Variants in GPHN observed in about 807,000 individuals in gnomAD.
The protein encoded by GPHN is gephyrin.
A neutral mutation model predicts 95.5 loss-of-function variants in GPHN; 17 were observed. The observed-to-expected ratio is 0.18, with a 90% CI of 0.12 to 0.27. GPHN has a LOEUF of 0.27. GPHN is among the 10% of genes least tolerant of loss of function. The pLI is 1.00. For missense variants in GPHN, 660 were observed against 978.1 expected, an observed-to-expected ratio of 0.67 and a Z score of 4.34; for synonymous variants, 320 against 322.5, an observed-to-expected ratio of 0.99 and a Z score of 0.08.
intron 1 of GPHN, among the ~76,000 whole-genome samples, chr14:66,673,050 CT>C (rs1178894168): frequency 6.6e-6 from 1 of 151,946 alleles, no homozygotes; most frequent in Non-Finnish European, 1.5e-5. Flanking sequence ...TTGAATTTCT[CT>C]TTTGTCATAG....
chr14:67,365,922 G>A, the GPHN span, among the ~76,000 whole-genome samples: 1 of 152,118 alleles, frequency 6.6e-6, no homozygotes, highest in African/African-American at 2.4e-5. Flanking sequence ...GCCTTAGGTA[G>A]TGACTGCTAC....
At chr14:67,636,084 A>G in the GPHN span, among the ~76,000 whole-genome samples, 16 of 152,198 alleles carry the variant, frequency 1.1e-4, no homozygotes, top group South Asian at 1.2e-3. Context: ...GAAAAACTGC[A>G]CACTAAGAGG....
At chr14:67,177,590 AG>A (rs1248309266) in intron 21 of GPHN, among the ~76,000 whole-genome samples, 1 of 152,184 alleles carries the variant, frequency 6.6e-6, no homozygotes, top group Admixed American at 6.5e-5. Context: ...GATGTCTATT[AG>A]GTCTGCTTGG....
chr14:66,927,944 A>G (rs1305543240), intron 8 of GPHN, among the ~76,000 whole-genome samples: 2 of 152,106 alleles, frequency 1.3e-5, no homozygotes, highest in African/African-American at 4.8e-5. Flanking sequence ...GTGTACTAGC[A>G]TTTTGTTGAG....
At chr14:66,832,572 G>A (rs1431257266) in intron 4 of GPHN, among the ~76,000 whole-genome samples, 3 of 151,966 alleles carry the variant, frequency 2.0e-5, no homozygotes, top group Non-Finnish European at 4.4e-5. Flanking sequence ...TTTTTGTATT[G>A]TCCACTGAAA....
the GPHN span, chr14:67,392,250 C>T: frequency 1.2e-5 from 12 of 1,011,490 alleles, no homozygotes; most frequent in East Asian, 1.9e-4. Context: ...CAGCCCTTCC[C>T]TTCTTCTGGG....
At chr14:66,528,079 C>A (rs1341033481) in intron 1 of GPHN, among the ~76,000 whole-genome samples, 1 of 152,090 alleles carries the variant, frequency 6.6e-6, no homozygotes, top group East Asian at 1.9e-4. Context: ...TAAAGTCTCC[C>A]ACTATTATTG....
chr14:66,544,333 CTT>C (rs1396182642), intron 1 of GPHN, among the ~76,000 whole-genome samples: 7 of 152,228 alleles, frequency 4.6e-5, no homozygotes, highest in Non-Finnish European at 7.3e-5. Context: ...TCCTAATCCT[CTT>C]TGCCTGTTCT....
At chr14:67,203,977 G>A in the GPHN span, among the ~76,000 whole-genome samples, 3 of 152,214 alleles carry the variant, frequency 2.0e-5, no homozygotes, top group Non-Finnish European at 4.4e-5. Context: ...CTCCCAAAGT[G>A]CTGGGATTAC....
At chr14:66,683,102 G>A (rs1481335447) in intron 2 of GPHN, among the ~76,000 whole-genome samples, 2 of 151,178 alleles carry the variant, frequency 1.3e-5, no homozygotes, top group Non-Finnish European at 2.9e-5. Flanking sequence ...TCTTAATATA[G>A]CATCATTCTC....
chr14:67,119,177 A>G (rs1337708457), intron 16 of GPHN, among the ~76,000 whole-genome samples: 1 of 152,198 alleles, frequency 6.6e-6, no homozygotes, highest in Non-Finnish European at 1.5e-5. Context: ...AAGTATATGG[A>G]TCTGAACAAG....
At chr14:66,811,968 A>G (rs1187050044) in intron 3 of GPHN, among the ~76,000 whole-genome samples, 2 of 152,240 alleles carry the variant, frequency 1.3e-5, no homozygotes, top group Non-Finnish European at 2.9e-5. Context: ...GGAAGAAGGC[A>G]CTGGTTGATT....
At chr14:66,672,184 A>G (rs562279379) in intron 1 of GPHN, among the ~76,000 whole-genome samples, 1 of 152,056 alleles carries the variant, frequency 6.6e-6, no homozygotes, top group Non-Finnish European at 1.5e-5. Context: ...ATATTTTGAG[A>G]TTTATTTTTG....
chr14:66,871,491 G>A (rs1289926377), intron 4 of GPHN, among the ~76,000 whole-genome samples: 1 of 152,148 alleles, frequency 6.6e-6, no homozygotes, highest in Non-Finnish European at 1.5e-5. Flanking sequence ...TTAGGGCTCT[G>A]ATTTTAACAT....
intron 19 of GPHN, among the ~76,000 whole-genome samples, chr14:67,159,873 T>C (rs1287644859): frequency 6.6e-6 from 1 of 152,108 alleles, no homozygotes; most frequent in Non-Finnish European, 1.5e-5. Context: ...CCCTGCCTTT[T>C]AGTTGGGAGG....
At chr14:66,810,539 A>G (rs1474116768) in intron 3 of GPHN, among the ~76,000 whole-genome samples, 3 of 152,076 alleles carry the variant, frequency 2.0e-5, no homozygotes, top group African/African-American at 7.2e-5. Flanking sequence ...AGACAAGGTA[A>G]TAAAACTATC....
the GPHN span, chr14:67,365,031 A>T: frequency 5.8e-6 from 9 of 1,558,954 alleles, no homozygotes; most frequent in Non-Finnish European, 6.9e-6. Context: ...AATATCTGTA[A>T]TATAAATTTC....
intron 9 of GPHN, among the ~76,000 whole-genome samples, chr14:67,001,708 T>G (rs2072242378): frequency 6.6e-6 from 1 of 151,754 alleles, no homozygotes; most frequent in South Asian, 2.1e-4. Context: ...AATCCTGGCT[T>G]TGGCCAAAAA....
chr14:67,662,955 T>C, the GPHN span: 1 of 1,189,304 alleles, frequency 8.4e-7, no homozygotes, highest in Admixed American at 4.2e-5. Context: ...CTGAAACCCC[T>C]CACCACTCCC....
Sources: gnomAD v4.1 joint callset for allele counts (sites outside exome capture counted in the v4.1 genomes callset) on GRCh38, gnomAD v4.1.1 for gene constraint, MANE v1.5 for transcripts, NCBI Gene and HGNC (gene_info 2026-07-23, HGNC 2026-07-21) for gene names.